Variants in SEMA3A observed in about 807,000 individuals in gnomAD.
SEMA3A encodes the protein semaphorin 3A, also known as semaphorin-3A.
In SEMA3A, 29 loss-of-function variants were observed where a neutral mutation model predicts 97.9. That is an observed-to-expected ratio of 0.30 (90% confidence interval 0.22 to 0.40). The LOEUF (loss-of-function observed/expected upper bound fraction) is 0.40. SEMA3A is among the 10% of genes least tolerant of loss of function. The pLI, the probability that SEMA3A is intolerant of heterozygous loss-of-function variation, is 1.00. For missense variants in SEMA3A, 763 were observed against 951.3 expected, an observed-to-expected ratio of 0.80 and a Z score of 2.60; for synonymous variants, 321 against 323.7, an observed-to-expected ratio of 0.99 and a Z score of 0.09.
At position 84,054,979 on chromosome 7, in the gene SEMA3A, T is replaced by C. The variant is rs903581959; in HGVS notation, c.547+5486A>G. On this transcript the variant is annotated intron_variant, in intron 5 of 16. Coordinates refer to ENST00000265362, the MANE Select transcript of SEMA3A (RefSeq NM_006080.3). ...TACCCTGCCATGTGAGGTGTCAGTC[T>C]GCCCCTGCTGTGGGGTGCCTCCCAG... 2.0e-5 allele frequency among the ~76,000 whole-genome samples: 3 copies of C among 152,170 alleles called. 1 individual carries two copies. The highest frequency in any genetic ancestry group is 4.8e-5 in the African/African-American group (2 of 41,464).
rs1420967453 is a variant in SEMA3A, at chr7:83,956,317, G to A, written c.*5054C>T. ...CTGAGTGAGGTAAGGCTGTAGGTAG[G>A]TGAAATGTAACAGAAACTTTCGTTT... On this transcript the variant is annotated 3_prime_UTR_variant, in exon 17 of 17. Transcript: ENST00000265362. The A allele has an allele frequency of 6.6e-6, 1 of 152,160 alleles. No individual in the cohort carries two copies. The highest frequency in any genetic ancestry group is 6.6e-5 in the Admixed American group (1 of 15,264). The allele number at this position is 152,160 out of a possible 1,614,324, so 9.4% of individuals were successfully genotyped here.
At chr7:84,144,196 G>A (rs1796399912) in intron 1 of SEMA3A, among the ~76,000 whole-genome samples, 1 of 151,876 alleles carries the variant, frequency 6.6e-6, no homozygotes, top group African/African-American at 2.4e-5. Flanking sequence ...TGTGTTCACA[G>A]AAGAAAATAT....
intron 4 of SEMA3A, among the ~76,000 whole-genome samples, chr7:84,081,510 G>A (rs985051628): frequency 6.6e-6 from 1 of 151,266 alleles, no homozygotes; most frequent in Non-Finnish European, 1.5e-5. Flanking sequence ...GGAGAATGGC[G>A]TGAACCCGGG....
At position 84,110,464 on chromosome 7, in the gene SEMA3A, C is replaced by T. The variant is rs755552355; in HGVS notation, c.453+6G>A. 26 of 1,613,300 alleles carry T rather than the reference C, an allele frequency of 1.6e-5. No individual in the cohort carries two copies. Among genetic ancestry groups the T allele is most frequent in the East Asian group, 2.2e-5 (1 of 44,848 alleles). On this transcript the variant is annotated splice_donor_region_variant and intron_variant, in intron 4 of 16. Transcript: ENST00000265362. ...ACAAATATAATTTTTAAAAAGCCAG[C>T]GTTACCTCAGGATGATGTCCAATTT...
chr7:84,261,412 G>GA (rs1436933166), intron 3 of SEMA3A, among the ~76,000 whole-genome samples: 2 of 151,978 alleles, frequency 1.3e-5, no homozygotes, highest in East Asian at 1.9e-4. Context: ...TGATGAGAAG[G>GA]AAAAAAAAGC....
chr7:84,002,664 C>T (rs893915278), intron 11 of SEMA3A, among the ~76,000 whole-genome samples: 2 of 152,052 alleles, frequency 1.3e-5, no homozygotes, highest in African/African-American at 4.8e-5. Flanking sequence ...GACAATAACC[C>T]GATTTCTCAA....
chr7:84,122,699 G>T (rs1207718718), intron 3 of SEMA3A, among the ~76,000 whole-genome samples: 1 of 152,016 alleles, frequency 6.6e-6, no homozygotes, highest in African/African-American at 2.4e-5. Flanking sequence ...GAAATTTAAG[G>T]GTTGACATAG....
In SEMA3A at chr7:84,238,360, C is replaced by A. The variant is rs375255758; in HGVS notation, c.-82-43692G>T. The stretch of plus-strand genomic sequence containing the variant: ...GGGATTACAGGTGTGAGCCATCGTG[C>A]CTGGTGGAATAACCAATTTTCAACT... On this transcript the variant is annotated intron_variant, in intron 3 of 3. Coordinates refer to the SEMA3A transcript ENST00000424555. Among the ~76,000 whole-genome samples the A allele has an allele frequency of 6.6e-5, 10 of 152,226 alleles. No homozygotes were observed. In the East Asian group the frequency reaches 1.9e-3, roughly 30 times the overall value.
At chr7:84,063,316 G>A (rs1793332510) in intron 4 of SEMA3A, among the ~76,000 whole-genome samples, 2 of 149,690 alleles carry the variant, frequency 1.3e-5, no homozygotes, top group South Asian at 2.2e-4. Flanking sequence ...ACAAAGATGG[G>A]GAAAAAACAG....
At chr7:84,416,261 TG>T (rs1804431509) in intron 1 of SEMA3A, among the ~76,000 whole-genome samples, 1 of 152,064 alleles carries the variant, frequency 6.6e-6, no homozygotes, top group Admixed American at 6.6e-5. Flanking sequence ...TGAGATCTGA[TG>T]GGTGTATCGA....
intron 3 of SEMA3A, among the ~76,000 whole-genome samples, chr7:84,303,035 C>A (rs1029474951): frequency 1.3e-5 from 2 of 152,156 alleles, no homozygotes; most frequent in African/African-American, 4.8e-5. Context: ...AATAACTACT[C>A]CATCTGAATT....
rs547598788 is a variant in SEMA3A, at chr7:84,128,396, A to G, written c.333+727T>C. On this transcript the variant is annotated intron_variant, in intron 3 of 16. Transcript: ENST00000265362. ...TATGACTCAGAAATGGAAACATTTC[A>G]TATCATTTCAAGAAGAATTCAAGGG... 3.9e-5 allele frequency among the ~76,000 whole-genome samples: 6 copies of G among 152,290 alleles called. No individual in the cohort carries two copies. In the East Asian group the frequency reaches 9.6e-4, roughly 24 times the overall value.
At position 84,401,395 on chromosome 7, in the gene SEMA3A, T is replaced by C. The variant is rs148044358; in HGVS notation, c.-245-29495A>G. Among the ~76,000 whole-genome samples, 610 of 151,916 alleles carry C rather than the reference T, an allele frequency of 4.0e-3. 5 individuals are homozygous for C. The highest frequency in any genetic ancestry group is 0.014 in the African/African-American group (583 of 41,418). ...GGAAAAATATTCCATTTTCATGGAT[T>C]GAAAGAATTGTGTTAAAATGTTGAT... On this transcript the variant is annotated intron_variant, in intron 1 of 3. Coordinates refer to the SEMA3A transcript ENST00000424555.
At chr7:84,226,095 G>T (rs1798985224) in intron 3 of SEMA3A, among the ~76,000 whole-genome samples, 1 of 152,054 alleles carries the variant, frequency 6.6e-6, no homozygotes, top group African/African-American at 2.4e-5. Context: ...ATATCATCTT[G>T]AAGTAAGTCT....
rs1794093452 is a variant in SEMA3A, at chr7:84,079,973, A to T, written c.454-19415T>A. Among the ~76,000 whole-genome samples the T allele has an allele frequency of 8.9e-5, 13 of 145,578 alleles. No individual in the cohort carries two copies. The South Asian group carries it at 2.5e-3, about 28-fold the overall frequency. On this transcript the variant is annotated intron_variant, in intron 4 of 16. Transcript: ENST00000265362. Reference sequence around the variant, plus strand: ...CAACCCAAATGTCCAACAATGATAGACTGGATTAAGAAAATGTGGCACATA... The same window carrying T: ...CAACCCAAATGTCCAACAATGATAGTCTGGATTAAGAAAATGTGGCACATA...
intron 1 of SEMA3A, among the ~76,000 whole-genome samples, chr7:84,188,052 A>G (rs1797936525): frequency 6.6e-6 from 1 of 152,028 alleles, no homozygotes; most frequent in Admixed American, 6.6e-5. Context: ...GCTTTAAGTT[A>G]CTCTAAGTTT....
At chr7:84,292,596 T>C (rs1434610359) in intron 3 of SEMA3A, among the ~76,000 whole-genome samples, 2 of 152,012 alleles carry the variant, frequency 1.3e-5, no homozygotes, top group African/African-American at 4.8e-5. Context: ...AAGCCAATAC[T>C]ACGTAAAAAT....
chr7:84,179,238 C>A (rs1359450643), intron 1 of SEMA3A, among the ~76,000 whole-genome samples: 1 of 152,122 alleles, frequency 6.6e-6, no homozygotes, highest in African/African-American at 2.4e-5. Context: ...GAAGAACGAT[C>A]AAAGATTACA....
intron 3 of SEMA3A, among the ~76,000 whole-genome samples, chr7:84,275,761 AAATGT>A (rs1278770162): frequency 4.6e-5 from 7 of 152,082 alleles, no homozygotes; most frequent in Admixed American, 2.0e-4. Context: ...GAATTACTGT[AAATGT>A]AAAATGCATA....
Sources: allele counts gnomAD v4.1 joint callset (sites outside exome capture counted in the v4.1 genomes callset), GRCh38; gene constraint gnomAD v4.1.1; transcripts MANE v1.5; gene names NCBI Gene and HGNC (gene_info 2026-07-23, HGNC 2026-07-21).